Variants in NREP observed in about 807,000 individuals in gnomAD.
NREP encodes neuronal regeneration-related protein.
NREP carries 5 observed loss-of-function variants against 8.6 expected under a neutral mutation model. That is an observed-to-expected ratio of 0.58 (90% CI 0.30 to 1.22). The LOEUF is 1.22. Among genes scored for constraint, NREP ranks in the 50% most tolerant of loss-of-function variants. The pLI is 0.07. For synonymous variants in NREP, 27 were observed against 28.0 expected, an observed-to-expected ratio of 0.96 and a Z score of 0.11; for missense variants, 86 against 82.5, an observed-to-expected ratio of 1.04 and a Z score of -0.17.
At chr5:111,824,598 G>T (rs1275021961) in intron 2 of NREP, among the ~76,000 whole-genome samples, 3 of 151,996 alleles carry the variant, frequency 2.0e-5, no homozygotes, top group Admixed American at 2.0e-4. Context: ...ATATGTTGAT[G>T]GAAGGGCACA....
In NREP at chr5:111,868,889, T is replaced by C. The variant is rs531664847; in HGVS notation, c.135+106385A>G. 1.1e-4 allele frequency among the ~76,000 whole-genome samples: 16 copies of C among 152,252 alleles called. No homozygotes were observed. The South Asian group carries it at 3.1e-3, about 30-fold the overall frequency. ...TTCCATACTCACAATGAAGGAGGGATGCTATTCCTAAGGATTTAGCAACAT... is the reference window on the plus strand; with the variant it reads ...TTCCATACTCACAATGAAGGAGGGACGCTATTCCTAAGGATTTAGCAACAT... On this transcript the variant is annotated intron_variant, in intron 2 of 3. Coordinates refer to the NREP transcript ENST00000395634.
At chr5:111,865,032 A>C (rs1753633958) in intron 2 of NREP, among the ~76,000 whole-genome samples, 1 of 152,148 alleles carries the variant, frequency 6.6e-6, no homozygotes, top group Non-Finnish European at 1.5e-5. Flanking sequence ...GTATTCAAAT[A>C]AAGCAGTTTT....
chr5:111,741,832 C>CACAG (rs1749696428), intron 2 of NREP, among the ~76,000 whole-genome samples: 2 of 15,998 alleles, frequency 1.3e-4, no homozygotes, highest in Non-Finnish European at 3.9e-4. Context: ...CATACACACA[C>CACAG]ACACACACAC....
chr5:111,897,870 A>C (rs1306838463), intron 2 of NREP, among the ~76,000 whole-genome samples: 1 of 152,130 alleles, frequency 6.6e-6, no homozygotes, highest in East Asian at 1.9e-4. Context: ...CCATATTCTC[A>C]CTAATCAAAG....
intron 2 of NREP, among the ~76,000 whole-genome samples, chr5:111,867,562 T>G (rs1753696734): frequency 6.6e-6 from 1 of 152,144 alleles, no homozygotes; most frequent in African/African-American, 2.4e-5. Flanking sequence ...AGTGTTTCAA[T>G]ATATGAATTG....
chr5:111,886,349 T>C lies in NREP; in HGVS notation c.135+88925A>G, dbSNP rs566432254. 4.0e-5 allele frequency among the ~76,000 whole-genome samples: 6 copies of C among 151,360 alleles called. No homozygotes were observed. The South Asian group carries it at 1.3e-3, about 32-fold the overall frequency. ...AGGTGCTGGAGAGGATGTGGAGAAATAGGAACACTTTTACACTGTTGGTGG... is the reference window on the plus strand; with the variant it reads ...AGGTGCTGGAGAGGATGTGGAGAAACAGGAACACTTTTACACTGTTGGTGG... On this transcript the variant is annotated intron_variant, in intron 2 of 3. Coordinates refer to the NREP transcript ENST00000395634.
chr5:111,834,523 C>A (rs545970719), intron 2 of NREP, among the ~76,000 whole-genome samples: 21 of 152,192 alleles, frequency 1.4e-4, no homozygotes, highest in Non-Finnish European at 2.9e-4. Flanking sequence ...GGAAACATAT[C>A]CAAACAAACT....
intron 2 of NREP, among the ~76,000 whole-genome samples, chr5:111,788,639 G>C (rs745473102): frequency 4.7e-4 from 71 of 152,186 alleles, no homozygotes; most frequent in Non-Finnish European, 9.0e-4. Flanking sequence ...AATTTGATTT[G>C]AATCTCAAAG....
intron 2 of NREP, among the ~76,000 whole-genome samples, chr5:111,750,554 G>C (rs1750297115): frequency 6.6e-6 from 1 of 152,162 alleles, no homozygotes; most frequent in Non-Finnish European, 1.5e-5. Context: ...TCTGGCTCCA[G>C]CTTAATTTCT....
chr5:111,930,757 C>T (rs1243965182), intron 2 of NREP, among the ~76,000 whole-genome samples: 1 of 152,188 alleles, frequency 6.6e-6, no homozygotes, highest in Non-Finnish European at 1.5e-5. Flanking sequence ...CATCTCTGGT[C>T]TAAGTCACTC....
chr5:111,840,016 G>T (rs1422395320), intron 2 of NREP, among the ~76,000 whole-genome samples: 1 of 152,022 alleles, frequency 6.6e-6, no homozygotes, highest in Non-Finnish European at 1.5e-5. Context: ...AGAGAAATGT[G>T]CTTTTCCTCA....
At chr5:111,776,812 T>C (rs1751371814) in intron 2 of NREP, among the ~76,000 whole-genome samples, 2 of 152,178 alleles carry the variant, frequency 1.3e-5, no homozygotes, top group Non-Finnish European at 2.9e-5. Context: ...GGAAGACCAT[T>C]CTAAAGTGAT....
At chr5:111,919,642 T>C (rs1427068071) in intron 2 of NREP, among the ~76,000 whole-genome samples, 1 of 152,036 alleles carries the variant, frequency 6.6e-6, no homozygotes, top group East Asian at 1.9e-4. Flanking sequence ...AAACACCACA[T>C]GTTCTCACTT....
At chr5:111,946,979 T>C (rs1388016966) in intron 2 of NREP, among the ~76,000 whole-genome samples, 1 of 152,078 alleles carries the variant, frequency 6.6e-6, no homozygotes, top group Non-Finnish European at 1.5e-5. Flanking sequence ...CTCACAACTA[T>C]TCCAATGTTT....
intron 2 of NREP, among the ~76,000 whole-genome samples, chr5:111,827,893 C>G (rs140494091): frequency 6.6e-6 from 1 of 152,150 alleles, no homozygotes; most frequent in African/African-American, 2.4e-5. Context: ...CCTATGTACT[C>G]TCTGGAGATC....
At chr5:111,880,730 CTTTTTTTTTTTTTT>C (rs140190021) in intron 2 of NREP, among the ~76,000 whole-genome samples, 1 of 92,178 alleles carries the variant, frequency 1.1e-5, no homozygotes, top group East Asian at 3.0e-4. Flanking sequence ...GAACATAAGC[CTTTTTTTTTTTTTT>C]TTTTTTTTTT....
chr5:111,964,890 A>AAAAAAAAAAAAAAAAT, intron 2 of NREP, among the ~76,000 whole-genome samples: 1 of 135,848 alleles, frequency 7.4e-6, no homozygotes, highest in Non-Finnish European at 1.5e-5. Flanking sequence ...AAAAAAAAAA[A>AAAAAAAAAAAAAAAAT]AAAAAGAAAC....
chr5:111,955,520 C>T (rs997326676), intron 2 of NREP, among the ~76,000 whole-genome samples: 3 of 150,420 alleles, frequency 2.0e-5, no homozygotes, highest in Non-Finnish European at 4.4e-5. Flanking sequence ...ACATTCGGTT[C>T]TAAGACTTGT....
chr5:111,745,921 A>T (rs1284575549), intron 2 of NREP, among the ~76,000 whole-genome samples: 6 of 152,202 alleles, frequency 3.9e-5, no homozygotes, highest in African/African-American at 1.4e-4. Flanking sequence ...AAATGGAAAG[A>T]TGCAGATGGG....
Sources: gnomAD v4.1 joint callset for allele counts (sites outside exome capture counted in the v4.1 genomes callset) on GRCh38, gnomAD v4.1.1 for gene constraint, MANE v1.5 for transcripts, NCBI Gene and HGNC (gene_info 2026-07-23, HGNC 2026-07-21) for gene names.